The following RIF1 variants were observed in gnomAD, a reference collection of about 807,000 sequenced individuals.
RIF1 encodes the protein telomere-associated protein RIF1.
In RIF1, 45 loss-of-function variants were observed where a neutral mutation model predicts 247.1. That is an observed-to-expected ratio of 0.18 (90% CI 0.14 to 0.23). The LOEUF (loss-of-function observed/expected upper bound fraction) is 0.23, where lower values mean the gene tolerates loss of function less well. Among genes scored for constraint, RIF1 ranks in the 10% least tolerant of loss-of-function variants. The pLI is 1.00. For missense variants in RIF1, 2,967 were observed against 2,862.5 expected (o/e 1.04, Z -0.83); for synonymous variants, 1,087 against 978.8 (o/e 1.11, Z -2.06).
chr2:151,435,871 G>A (rs909647020), intron 11 of RIF1, among the ~76,000 whole-genome samples: 1 of 151,790 alleles, frequency 6.6e-6, no homozygotes, highest in Non-Finnish European at 1.5e-5. Flanking sequence ...TGCAAAAAAA[G>A]CCTCAGAGCA....
At chr2:151,431,703 G>GGGA (rs1280000443) in intron 9 of RIF1, among the ~76,000 whole-genome samples, 1 of 152,100 alleles carries the variant, frequency 6.6e-6, no homozygotes, top group Non-Finnish European at 1.5e-5. Flanking sequence ...AGGAGAATCC[G>GGGA]GGAGGAGGAG....
In RIF1 at chr2:151,490,045, G is replaced by A. The variant is rs778104284; in HGVS notation, c.*416-5184G>A. On this transcript the variant is annotated intron_variant and NMD_transcript_variant, in intron 9 of 13. Transcript: ENST00000454583. Reference sequence around the variant, plus strand: ...GTAGCAACTGAAGATGATCGTTGTTGTGGGAGCTCTGTGGTTTTTGCATGT... The same window carrying A: ...GTAGCAACTGAAGATGATCGTTGTTATGGGAGCTCTGTGGTTTTTGCATGT... 2.2e-5 allele frequency: 36 copies of A among 1,612,830 alleles called. No individual in the cohort carries two copies. The highest frequency in any genetic ancestry group is 3.0e-5 in the Non-Finnish European group (35 of 1,179,494).
At chr2:151,519,837 A>C in the RIF1 span, 1 of 1,025,674 alleles carries the variant, frequency 9.7e-7, no homozygotes, top group Middle Eastern at 2.0e-4. Flanking sequence ...GGAATAGTAG[A>C]AACACAAATG....
At chr2:151,499,614 G>T in intron 11 of RIF1, 1 of 347,118 alleles carries the variant, frequency 2.9e-6, no homozygotes, top group Non-Finnish European at 5.3e-6. Context: ...ATTGTAACTT[G>T]AATATATTTA....
At chr2:151,448,879 A>C (rs1386145186) in intron 20 of RIF1, among the ~76,000 whole-genome samples, 1 of 152,188 alleles carries the variant, frequency 6.6e-6, no homozygotes, top group African/African-American at 2.4e-5. Flanking sequence ...ATCACCTTTA[A>C]AAAATGGTCT....
At chr2:151,496,915 GTTTTT>G (rs762961586) in intron 10 of RIF1, 3 of 1,527,460 alleles carry the variant, frequency 2.0e-6, no homozygotes, top group Non-Finnish European at 2.7e-6. Context: ...TCAGTAAGTA[GTTTTT>G]TTCTTTTCTT....
intron 13 of RIF1, among the ~76,000 whole-genome samples, chr2:151,507,499 A>AC (rs1232842311): frequency 6.6e-6 from 1 of 152,196 alleles, no homozygotes. Flanking sequence ...TCCTCCCTAG[A>AC]CCCAGAGGAA....
intron 9 of RIF1, among the ~76,000 whole-genome samples, chr2:151,487,778 T>G (rs890688585): frequency 6.6e-6 from 1 of 152,106 alleles, no homozygotes; most frequent in Admixed American, 6.6e-5. Context: ...TATATATATA[T>G]GTATAAAATA....
chr2:151,534,062 G>A, the RIF1 span, among the ~76,000 whole-genome samples: 2 of 152,114 alleles, frequency 1.3e-5, no homozygotes, highest in East Asian at 1.9e-4. Flanking sequence ...AATAGCTGAC[G>A]GGCTTTTTGG....
At chr2:151,528,773 A>G in the RIF1 span, among the ~76,000 whole-genome samples, 1 of 152,232 alleles carries the variant, frequency 6.6e-6, no homozygotes, top group African/African-American at 2.4e-5. Context: ...GGAATATCTG[A>G]GCAGGAAGAA....
intron 27 of RIF1, among the ~76,000 whole-genome samples, 189 bp downstream of exon 27, chr2:151,461,478 G>A (rs893937593): frequency 3.3e-5 from 5 of 149,596 alleles, no homozygotes; most frequent in East Asian, 2.0e-4. Flanking sequence ...TGCAAGCTCC[G>A]CCTCCCAGGT....
rs561060029 is a variant in RIF1 at position 151,501,112 on chromosome 2, T to TTTTTC, written c.*709+1579_*709+1583dup. 5.4e-3 allele frequency among the ~76,000 whole-genome samples: 829 copies of TTTTTC among 152,140 alleles called. 3 individuals carry two copies. Among genetic ancestry groups the TTTTTC allele is most frequent in the Middle Eastern group, 0.01 (3 of 294 alleles). On this transcript the variant is annotated intron_variant and NMD_transcript_variant, in intron 11 of 13. Transcript: ENST00000454583. ...AGTAAATAAGAGCTTTAGTGTTTGG[T>TTTTTC]TTTTCTTTTCTGGAAATCAATTAAC...
chr2:151,415,865 A>G (rs1358988075), intron 4 of RIF1, among the ~76,000 whole-genome samples: 1 of 152,078 alleles, frequency 6.6e-6, no homozygotes, highest in East Asian at 1.9e-4. Flanking sequence ...CAAGAGTGAA[A>G]CTCCGTCTCA....
chr2:151,512,934 A>T (rs1161746226), downstream of RIF1: 1 of 774,184 alleles, frequency 1.3e-6, no homozygotes, highest in Admixed American at 2.3e-5. Flanking sequence ...TTCTTTTCCA[A>T]GAGGGACTCA....
At chr2:151,512,635 A>G (rs1280855345), downstream of RIF1, 1 of 920,508 alleles carries the variant, frequency 1.1e-6, no homozygotes, top group African/African-American at 1.7e-5. Flanking sequence ...TATTGGGAAA[A>G]ACTGATCTGA....
chr2:151,467,245 C>G (rs1487537043), intron 30 of RIF1, among the ~76,000 whole-genome samples: 1 of 152,050 alleles, frequency 6.6e-6, no homozygotes, highest in Non-Finnish European at 1.5e-5. Flanking sequence ...AAAAAATGTT[C>G]TTTCAAAATC....
At chr2:151,433,281 TA>T (rs1341129149) in intron 10 of RIF1, 53 bp downstream of exon 10, 12 of 1,412,520 alleles carry the variant, frequency 8.5e-6, no homozygotes, top group Admixed American at 5.5e-5. Flanking sequence ...AATGTGTTCT[TA>T]AATTCTTACC....
intron 10 of RIF1, chr2:151,496,803 A>T: frequency 2.6e-6 from 3 of 1,136,620 alleles, no homozygotes; most frequent in Non-Finnish European, 3.7e-6. Flanking sequence ...AGTAGCCCAA[A>T]GGAAAAAAGG....
intron 10 of RIF1, chr2:151,498,252 C>CA: frequency 6.4e-7 from 1 of 1,551,100 alleles, no homozygotes; most frequent in Non-Finnish European, 8.7e-7. Flanking sequence ...CCTTTCTTTC[C>CA]AAAATACCGA....
Sources: allele counts gnomAD v4.1 joint callset (sites outside exome capture counted in the v4.1 genomes callset), GRCh38; gene constraint gnomAD v4.1.1; transcripts MANE v1.5; gene names NCBI Gene and HGNC (gene_info 2026-07-23, HGNC 2026-07-21).